Variants in ZMAT4 observed in about 807,000 individuals in gnomAD.
The protein encoded by ZMAT4 is zinc finger matrin-type 4.
ZMAT4 carries 17 observed loss-of-function variants against 28.7 expected under a neutral mutation model. The ratio of observed to expected loss-of-function variants is 0.59; its 90% CI spans 0.41 to 0.89. The LOEUF is 0.89. Among genes scored for constraint, ZMAT4 ranks in the 40% least tolerant of loss-of-function variants. The pLI, the probability that ZMAT4 is intolerant of heterozygous loss-of-function variation, is 0.00. For synonymous variants in ZMAT4, 117 were observed against 109.2 expected, an observed-to-expected ratio of 1.07 and a Z score of -0.44; for missense variants, 240 against 283.8, an observed-to-expected ratio of 0.85 and a Z score of 1.11.
rs571818374 is a variant in ZMAT4, at chr8:40,840,482, T to A, written c.-4-14802A>T. On this transcript the variant is annotated intron_variant, in intron 1 of 6. Transcript: ENST00000297737. ...ACCCTGAGCACTAAACTCTGCAAAGTCTCTTCCCTGGCAAACCCTGACTGT... is the reference window on the plus strand; with the variant it reads ...ACCCTGAGCACTAAACTCTGCAAAGACTCTTCCCTGGCAAACCCTGACTGT... Among the ~76,000 whole-genome samples the A allele has an allele frequency of 6.6e-5, 10 of 152,202 alleles. No individual in the cohort carries two copies. In the South Asian group the frequency reaches 2.1e-3, roughly 32 times the overall value.
chr8:40,735,467 A>G (rs1811723474), intron 3 of ZMAT4, among the ~76,000 whole-genome samples: 1 of 152,218 alleles, frequency 6.6e-6, no homozygotes, highest in African/African-American at 2.4e-5. Flanking sequence ...GTTATCTGAA[A>G]AACATACTTA....
chr8:40,882,883 G>C (rs1480950833), intron 1 of ZMAT4, among the ~76,000 whole-genome samples: 1 of 152,088 alleles, frequency 6.6e-6, no homozygotes, highest in Non-Finnish European at 1.5e-5. Context: ...AGACCACCGG[G>C]AGTCAGATGT....
chr8:40,805,043 T>C (rs930325032), intron 2 of ZMAT4, among the ~76,000 whole-genome samples: 19 of 149,972 alleles, frequency 1.3e-4, no homozygotes, highest in African/African-American at 4.4e-4. Flanking sequence ...TTTCGCAACC[T>C]ACTCATCTGA....
intron 2 of ZMAT4, among the ~76,000 whole-genome samples, chr8:40,784,245 T>C (rs1394851775): frequency 2.0e-5 from 3 of 152,208 alleles, no homozygotes; most frequent in Non-Finnish European, 2.9e-5. Context: ...ATGGATTAAT[T>C]AGTAATGCAA....
At chr8:40,552,238 T>C (rs1282329847) in intron 6 of ZMAT4, among the ~76,000 whole-genome samples, 1 of 152,196 alleles carries the variant, frequency 6.6e-6, no homozygotes, top group East Asian at 1.9e-4. Flanking sequence ...TTGAGAAATG[T>C]ACCCAATGTA....
At chr8:40,618,951 G>A (rs1329581443) in intron 5 of ZMAT4, among the ~76,000 whole-genome samples, 1 of 152,216 alleles carries the variant, frequency 6.6e-6, no homozygotes, top group Non-Finnish European at 1.5e-5. Context: ...GTCTAGTGAA[G>A]GGTTTGCAGT....
intron 5 of ZMAT4, among the ~76,000 whole-genome samples, chr8:40,637,909 A>G (rs561543255): frequency 6.6e-6 from 1 of 152,364 alleles, no homozygotes; most frequent in South Asian, 2.1e-4. Flanking sequence ...ATTTTCAACA[A>G]CATGGATGAA....
intron 2 of ZMAT4, among the ~76,000 whole-genome samples, chr8:40,809,994 G>A (rs1815252762): frequency 6.6e-6 from 1 of 152,068 alleles, no homozygotes; most frequent in Non-Finnish European, 1.5e-5. Flanking sequence ...AGTGAGCCAA[G>A]ATCACACCAC....
chr8:40,672,572 A>G (rs1808723063), intron 5 of ZMAT4, among the ~76,000 whole-genome samples: 1 of 152,226 alleles, frequency 6.6e-6, no homozygotes, highest in South Asian at 2.1e-4. Flanking sequence ...CAAATGTTAC[A>G]GAATTCAGAC....
intron 6 of ZMAT4, among the ~76,000 whole-genome samples, chr8:40,573,840 T>C (rs1199141304): frequency 6.6e-6 from 1 of 152,214 alleles, no homozygotes; most frequent in African/African-American, 2.4e-5. Flanking sequence ...GAACTTAAGA[T>C]TGAGAAAAGA....
intron 5 of ZMAT4, among the ~76,000 whole-genome samples, chr8:40,589,538 G>T (rs1357014596): frequency 6.6e-6 from 1 of 152,110 alleles, no homozygotes; most frequent in Non-Finnish European, 1.5e-5. Flanking sequence ...TTGGGACCTA[G>T]AAATCTATAT....
chr8:40,640,274 G>A (rs1057214237), intron 5 of ZMAT4, among the ~76,000 whole-genome samples: 7 of 152,156 alleles, frequency 4.6e-5, no homozygotes, highest in Admixed American at 2.6e-4. Context: ...CACAGAACTA[G>A]CCCCTTATAT....
At chr8:40,655,032 T>C (rs897265291) in intron 5 of ZMAT4, among the ~76,000 whole-genome samples, 23 of 146,600 alleles carry the variant, frequency 1.6e-4, no homozygotes, top group African/African-American at 5.9e-4. Context: ...AACATGATGT[T>C]GTATTTAGAA....
At chr8:40,837,537 A>C (rs2150623461) in intron 1 of ZMAT4, among the ~76,000 whole-genome samples, 1 of 152,300 alleles carries the variant, frequency 6.6e-6, no homozygotes, top group African/African-American at 2.4e-5. Context: ...TGCACTTTTT[A>C]CCCAGTGAAA....
chr8:40,551,905 T>A (rs2118425243), intron 6 of ZMAT4, among the ~76,000 whole-genome samples: 1 of 152,290 alleles, frequency 6.6e-6, no homozygotes, highest in East Asian at 1.9e-4. Flanking sequence ...AGAGCACTAA[T>A]TTCTTATCAA....
chr8:40,568,464 T>C (rs1585695795), intron 6 of ZMAT4, among the ~76,000 whole-genome samples: 1 of 152,064 alleles, frequency 6.6e-6, no homozygotes, highest in East Asian at 2.0e-4. Context: ...GCCGGAACTT[T>C]GTGAGAATCC....
intron 5 of ZMAT4, among the ~76,000 whole-genome samples, chr8:40,670,939 G>A (rs1194092383): frequency 1.3e-5 from 2 of 151,692 alleles, no homozygotes; most frequent in Non-Finnish European, 2.9e-5. Context: ...TGGTGGCACT[G>A]CACCTGTAGT....
intron 2 of ZMAT4, among the ~76,000 whole-genome samples, chr8:40,775,966 G>A (rs6989029): frequency 0.22 from 33,409 of 152,086 alleles, 3,856 homozygotes; most frequent in Non-Finnish European, 0.25. Context: ...GCAAGAAGGC[G>A]GCTGTCTACA....
At chr8:40,833,588 A>T (rs1190472977) in intron 1 of ZMAT4, among the ~76,000 whole-genome samples, 2 of 150,634 alleles carry the variant, frequency 1.3e-5, no homozygotes, top group Admixed American at 6.6e-5. Context: ...CTTCCATAAA[A>T]TCATGCCAGA....
Sources: allele counts gnomAD v4.1 joint callset (sites outside exome capture counted in the v4.1 genomes callset), GRCh38; gene constraint gnomAD v4.1.1; transcripts MANE v1.5; gene names NCBI Gene and HGNC (gene_info 2026-07-23, HGNC 2026-07-21).